Variants in ATAD2 observed in about 807,000 individuals in gnomAD.
ATAD2 encodes ATPase family AAA domain-containing protein 2.
ATAD2 carries 62 observed loss-of-function variants against 168.9 expected under a neutral mutation model. The ratio of observed to expected loss-of-function variants is 0.37; its 90% CI spans 0.30 to 0.45. ATAD2 has a LOEUF of 0.45. Ranked by LOEUF, ATAD2 falls within the 20% of genes least tolerant of loss-of-function variation. The pLI is 1.00. For synonymous variants in ATAD2, 613 were observed against 571.6 expected, an observed-to-expected ratio of 1.07 and a Z score of -1.03; for missense variants, 1,419 against 1,667.8, an observed-to-expected ratio of 0.85 and a Z score of 2.60.
intron 1 of ATAD2, among the ~76,000 whole-genome samples, chr8:123,387,254 T>A (rs1224881452): frequency 1.1e-4 from 16 of 152,196 alleles, no homozygotes; most frequent in Non-Finnish European, 2.1e-4. Context: ...ATGAATAGTA[T>A]TTCAGCCATT....
intron 8 of ATAD2, among the ~76,000 whole-genome samples, chr8:123,363,022 T>C (rs1828870457): frequency 6.6e-6 from 1 of 152,242 alleles, no homozygotes; most frequent in South Asian, 2.1e-4. Flanking sequence ...ACTTCTACCT[T>C]TGAATGGTTG....
chr8:123,356,993 A>G (rs1279038841), intron 12 of ATAD2, among the ~76,000 whole-genome samples: 2 of 152,198 alleles, frequency 1.3e-5, no homozygotes, highest in Non-Finnish European at 2.9e-5. Context: ...AACTATGGAA[A>G]CAAGACAAAG....
At chr8:123,404,251 T>C (rs926187186) in intron 1 of ATAD2, among the ~76,000 whole-genome samples, 1 of 152,190 alleles carries the variant, frequency 6.6e-6, no homozygotes, top group African/African-American at 2.4e-5. Context: ...GAGTTATCTA[T>C]ATCAGGTATG....
At chr8:123,360,336 T>C (rs1828776735) in intron 9 of ATAD2, among the ~76,000 whole-genome samples, 2 of 152,072 alleles carry the variant, frequency 1.3e-5, no homozygotes, top group South Asian at 4.1e-4. Flanking sequence ...TCCTTTTTTG[T>C]TGTTTTGTTT....
intron 1 of ATAD2, among the ~76,000 whole-genome samples, chr8:123,405,159 T>C (rs1239036825): frequency 1.3e-5 from 2 of 152,134 alleles, no homozygotes; most frequent in Non-Finnish European, 2.9e-5. Context: ...TAGACACAAA[T>C]GGGCATGATT....
At chr8:123,374,475 C>A (rs1829247742) in intron 2 of ATAD2, among the ~76,000 whole-genome samples, 1 of 152,206 alleles carries the variant, frequency 6.6e-6, no homozygotes, top group African/African-American at 2.4e-5. Context: ...TAGGTCTATA[C>A]ATTTTATAAA....
intron 26 of ATAD2, among the ~76,000 whole-genome samples, chr8:123,323,870 G>C (rs895039284): frequency 6.6e-6 from 1 of 152,060 alleles, no homozygotes; most frequent in Middle Eastern, 3.2e-3. Flanking sequence ...ATTTTGATGG[G>C]TTATATGATC....
chr8:123,333,026 C>T (rs1411737371), intron 24 of ATAD2, among the ~76,000 whole-genome samples: 3 of 151,540 alleles, frequency 2.0e-5, no homozygotes, highest in Non-Finnish European at 4.4e-5. Flanking sequence ...ACTTGCAATA[C>T]AATAGAAGGT....
intron 8 of ATAD2, among the ~76,000 whole-genome samples, chr8:123,364,095 T>C (rs1828897912): frequency 6.6e-6 from 1 of 152,174 alleles, no homozygotes; most frequent in South Asian, 2.1e-4. Flanking sequence ...AGTACAGTTA[T>C]AATAGCAAAT....
intron 18 of ATAD2, among the ~76,000 whole-genome samples, chr8:123,345,317 G>A (rs1160539482): frequency 6.6e-6 from 1 of 151,866 alleles, no homozygotes; most frequent in African/African-American, 2.4e-5. Flanking sequence ...TTTCTATTGT[G>A]GTAATCAAAA....
chr8:123,331,220 C>T (rs556479068), intron 24 of ATAD2, among the ~76,000 whole-genome samples: 25 of 152,142 alleles, frequency 1.6e-4, no homozygotes, highest in African/African-American at 5.8e-4. Context: ...GGATTACAGG[C>T]GTGAGCCACT....
chr8:123,324,453 T>A (rs1014786832), intron 26 of ATAD2, among the ~76,000 whole-genome samples: 3 of 152,164 alleles, frequency 2.0e-5, no homozygotes, highest in African/African-American at 4.8e-5. Context: ...GGGCAAGAAA[T>A]CAATCTTATT....
rs200634765 is a variant in ATAD2, at chr8:123,328,265, T to C, written c.3793A>G (p.Arg1265Gly). The change falls in exon 25 of 28, where the codon AGA (arginine) becomes GGA (glycine). Residue 1265 changes from arginine to glycine, a missense_variant. Transcript: ENST00000287394. ...SRKTTACTELRDKIACNGDAS... is the reference protein window; with the variant it reads ...SRKTTACTELGDKIACNGDAS... ...TCTCCATTACAAGCAATCTTGTCTC[T>C]CAATTCTGTACATGCTGTAGTCTTC... is the stretch of plus-strand genomic sequence containing the variant. The C allele has an allele frequency of 1.4e-5, 21 of 1,546,920 alleles. No individual in the cohort carries two copies. The Admixed American group carries it at 1.6e-4, about 12-fold the overall frequency.
chr8:123,413,224 G>A (rs1813187267), intron 1 of ATAD2, among the ~76,000 whole-genome samples: 1 of 129,808 alleles, frequency 7.7e-6, no homozygotes, highest in Non-Finnish European at 1.6e-5. Context: ...TCTAATGAGC[G>A]CCCCCCCCCC....
chr8:123,325,861 G>C, intron 26 of ATAD2, 32 bp downstream of exon 26: 1 of 1,609,508 alleles, frequency 6.2e-7, no homozygotes, highest in Non-Finnish European at 8.5e-7. Flanking sequence ...GTAATCTGCA[G>C]AGTAAAAGCA....
intron 1 of ATAD2, 151 bp downstream of exon 1, chr8:123,396,036 G>A (rs1393902877): frequency 2.2e-6 from 2 of 927,248 alleles, no homozygotes; most frequent in African/African-American, 1.8e-5. Flanking sequence ...CCGATCCCGA[G>A]AGCTTCCATT....
At position 123,396,253 on chromosome 8, in the gene ATAD2, G is replaced by A. The variant is rs1243881405; in HGVS notation, c.105C>T (p.Gly35=). The change falls in exon 1 of 28, where the codon GGC becomes GGT. Residue 35 remains glycine, a synonymous_variant. Coordinates refer to ENST00000287394, the MANE Select transcript of ATAD2 (RefSeq NM_014109.4). ...CGCCGGCCGAGCGGAGCCGCCTCCGGCCGATGTGCTCCAGACTGAGGAAGT... is the reference window on the plus strand; with the variant it reads ...CGCCGGCCGAGCGGAGCCGCCTCCGACCGATGTGCTCCAGACTGAGGAAGT... The part of the protein sequence containing the change: ...SSDFLSLEHI[G]RRRLRSAGAA... The A allele has an allele frequency of 5.6e-6, 9 of 1,609,282 alleles. No homozygotes were observed. The highest frequency in any genetic ancestry group is 1.7e-4 in the Middle Eastern group (1 of 5,804).
chr8:123,404,019 A>G (rs1233058515), intron 1 of ATAD2, among the ~76,000 whole-genome samples: 2 of 152,218 alleles, frequency 1.3e-5, no homozygotes, highest in African/African-American at 4.8e-5. Context: ...CACCTGCTAC[A>G]ATCAGAGGTA....
intron 2 of ATAD2, among the ~76,000 whole-genome samples, chr8:123,374,052 G>A (rs1161563486): frequency 6.6e-6 from 1 of 152,086 alleles, no homozygotes; most frequent in Non-Finnish European, 1.5e-5. Flanking sequence ...TTGGAAGACA[G>A]GTAAGAATTA....
Sources: allele counts gnomAD v4.1 joint callset (sites outside exome capture counted in the v4.1 genomes callset), GRCh38; gene constraint gnomAD v4.1.1; transcripts MANE v1.5; gene names NCBI Gene and HGNC (gene_info 2026-07-23, HGNC 2026-07-21).